SCYL3: variants seen among roughly 807,000 people sequenced by gnomAD.
SCYL3 encodes SCY1 like pseudokinase 3.
Under a neutral mutation model 73.8 loss-of-function variants are expected in SCYL3, and 35 were observed. The observed-to-expected ratio is 0.47, with a 90% CI of 0.36 to 0.63. The LOEUF (loss-of-function observed/expected upper bound fraction) is 0.63. Ranked by LOEUF, SCYL3 falls within the 20% of genes least tolerant of loss-of-function variation. The pLI is 0.00. For missense variants in SCYL3, 712 were observed against 798.9 expected (o/e 0.89, Z 1.31); for synonymous variants, 277 against 295.2 (o/e 0.94, Z 0.63).
rs1439678340 is a variant in SCYL3 at position 169,854,824 on chromosome 1, C to T, written c.1453G>A (p.Glu485Lys). Reference sequence around the variant, plus strand: ...ATCTGTATGTTGACAGTTTGATTTTCAGGCTCCTCAGGTTCACTCCAGTCA... The same window carrying T: ...ATCTGTATGTTGACAGTTTGATTTTTAGGCTCCTCAGGTTCACTCCAGTCA... Reference protein sequence around the residue: ...WPDWSEPEEPENQTVNIQIWP... With the variant: ...WPDWSEPEEPKNQTVNIQIWP... Residue 485 changes from glutamate to lysine, a missense_variant, in exon 12 of 13, where the codon GAA (glutamate) becomes AAA (lysine). Physicochemically the swap from Glu to Lys is moderately conservative, Grantham distance 56. Transcript: ENST00000367771. The T allele has an allele frequency of 2.5e-6, 4 of 1,613,904 alleles. No homozygotes were observed. The highest frequency in any genetic ancestry group is 1.7e-5 in the Admixed American group (1 of 59,980).
At chr1:169,864,614 TGC>T in intron 8 of SCYL3, 106 bp from the exon 9 acceptor site, 7 of 1,155,988 alleles carry the variant, frequency 6.1e-6, no homozygotes, top group Non-Finnish European at 7.2e-6. Flanking sequence ...ATCAAAGTGA[TGC>T]ATTTGAAATG....
At chr1:169,867,009 G>C in intron 7 of SCYL3, 36 bp from the exon 8 acceptor site, 2 of 1,191,680 alleles carry the variant, frequency 1.7e-6, no homozygotes, top group Non-Finnish European at 2.5e-6. Flanking sequence ...CAGCAGAACA[G>C]ATTAGAGAAT....
rs1441290698 is a variant in SCYL3, at chr1:169,888,704, T to C, written c.137A>G (p.Asn46Ser). ...FASVFVYKRE[N>S]EDKVNKAAKH... ...GGCAGCTTTATTAACCTTGTCTTCA[T>C]TTTCTCTCTTATACACAAAAACTGA... The change falls in exon 2 of 13, where the codon AAT becomes AGT. Residue 46 changes from asparagine to serine, a missense_variant. Asn to Ser is a conservative substitution (Grantham distance 46). Coordinates refer to ENST00000367771, the MANE Select transcript of SCYL3 (RefSeq NM_020423.7). The C allele has an allele frequency of 1.2e-6, 2 of 1,614,062 alleles. No homozygotes were observed. The highest frequency in any genetic ancestry group is 2.7e-5 in the African/African-American group (2 of 75,066).
intron 11 of SCYL3, among the ~76,000 whole-genome samples, chr1:169,856,209 T>A (rs536707964): frequency 6.6e-6 from 1 of 152,168 alleles, no homozygotes; most frequent in African/African-American, 2.4e-5. Context: ...TACACAGATA[T>A]AACCTTTGGG....
intron 3 of SCYL3, among the ~76,000 whole-genome samples, 175 bp from the exon 4 acceptor site, chr1:169,876,266 A>C (rs1452238645): frequency 6.6e-6 from 1 of 152,220 alleles, no homozygotes; most frequent in African/African-American, 2.4e-5. Flanking sequence ...TGGAACTATA[A>C]CTTTAAGAAA....
chr1:169,853,495 C>G lies in SCYL3; in HGVS notation c.*218G>C. On this transcript the variant is annotated 3_prime_UTR_variant, in exon 13 of 13. Coordinates refer to ENST00000367771, the MANE Select transcript of SCYL3 (RefSeq NM_020423.7). ...TCAGTCAAATGCACAAAGGCTCTTC[C>G]TCCTGGAAACCAGTACTGTGAGCCT... 2.0e-6 allele frequency: 1 copy of G among 502,912 alleles called. No individual in the cohort carries two copies. The highest frequency in any genetic ancestry group is 3.5e-6 in the Non-Finnish European group (1 of 287,852). 31.2% of individuals were successfully genotyped at this position (502,912 alleles called of 1,614,324 possible).
chr1:169,863,196 C>T (rs1659791811), intron 9 of SCYL3, among the ~76,000 whole-genome samples: 1 of 152,202 alleles, frequency 6.6e-6, no homozygotes, highest in South Asian at 2.1e-4. Context: ...CAGGCGTGAG[C>T]CACCGCGCCC....
At chr1:169,888,002 T>C (rs1169457107) in intron 2 of SCYL3, among the ~76,000 whole-genome samples, 3 of 152,202 alleles carry the variant, frequency 2.0e-5, no homozygotes, top group African/African-American at 7.2e-5. Context: ...GAATAAACAC[T>C]GGAGAATTAA....
chr1:169,866,768 C>G (rs1183325834), intron 8 of SCYL3, 128 bp downstream of exon 8: 3 of 638,132 alleles, frequency 4.7e-6, no homozygotes, highest in African/African-American at 1.9e-5. Context: ...GAAAGCCTGA[C>G]ACATAGGAAA....
intron 5 of SCYL3, among the ~76,000 whole-genome samples, chr1:169,871,129 C>G (rs1223561310): frequency 1.3e-5 from 2 of 152,136 alleles, no homozygotes; most frequent in African/African-American, 2.4e-5. Context: ...CAAGAAAGGA[C>G]TAGGGTTTTT....
chr1:169,886,451 A>G lies in SCYL3; in HGVS notation c.165+2225T>C, dbSNP rs141964279. Among the ~76,000 whole-genome samples the G allele has an allele frequency of 3.8e-3, 579 of 152,292 alleles. 1 individual carries two copies. Among genetic ancestry groups the G allele is most frequent in the Non-Finnish European group, 6.4e-3 (433 of 68,014 alleles). On this transcript the variant is annotated intron_variant, in intron 2 of 12. Transcript: ENST00000367771. ...TTAAATAACATTGACTAACCCTTCCACAACAGCCCAAATTCATTATGGGGA... is the reference window on the plus strand; with the variant it reads ...TTAAATAACATTGACTAACCCTTCCGCAACAGCCCAAATTCATTATGGGGA...
At chr1:169,877,448 G>T (rs1412442091) in intron 3 of SCYL3, among the ~76,000 whole-genome samples, 1 of 152,190 alleles carries the variant, frequency 6.6e-6, no homozygotes, top group East Asian at 1.9e-4. Flanking sequence ...GTGAGCCACT[G>T]CGCCTGGCCA....
In SCYL3 at chr1:169,851,614, C is replaced by CT. The variant is rs1198503972; in HGVS notation, c.*2098dup. The CT allele has an allele frequency of 1.2e-5, 8 of 642,644 alleles. No homozygotes were observed. The highest frequency in any genetic ancestry group is 2.1e-5 in the Non-Finnish European group (8 of 385,570). 39.8% of individuals were successfully genotyped at this position (642,644 alleles called of 1,614,324 possible). A position where few individuals can be genotyped will look rare whatever the true frequency, so the allele number is the denominator to read the frequency against. On this transcript the variant is annotated 3_prime_UTR_variant, in exon 13 of 13. Transcript: ENST00000367771. ...ATCATTTTTTCCTGCAAAGACAACT[C>CT]TATAACTAACTATTTTGTAAGGAAG...
Position 169,850,688 on chromosome 1 carries a change from C to T in SCYL3, c.*3025G>A, listed in dbSNP as rs897938726. The T allele has an allele frequency of 4.4e-4, 81 of 183,792 alleles. No individual in the cohort carries two copies. Among genetic ancestry groups the T allele is most frequent in the Non-Finnish European group, 7.2e-4 (62 of 86,138 alleles). The allele number at this position is 183,792 out of a possible 1,614,324, so 11.4% of individuals were successfully genotyped here. A position where few individuals can be genotyped will look rare whatever the true frequency, so the allele number is the denominator to read the frequency against. On this transcript the variant is annotated 3_prime_UTR_variant, in exon 13 of 13. Transcript: ENST00000367771. The stretch of plus-strand genomic sequence containing the variant: ...GTACGCGCCTGCAGTCCCAGCTACT[C>T]GGGAGGCTGAGGCAGGAGAATTGCT...
intron 1 of SCYL3, among the ~76,000 whole-genome samples, chr1:169,893,512 G>A (rs1295567528): frequency 6.6e-6 from 1 of 152,148 alleles, no homozygotes; most frequent in East Asian, 1.9e-4. Flanking sequence ...CTCCGCGGCC[G>A]CCTTGGAGAG....
intron 2 of SCYL3, among the ~76,000 whole-genome samples, chr1:169,883,340 A>C (rs1661438557): frequency 6.6e-6 from 1 of 152,144 alleles, no homozygotes. Flanking sequence ...CTGTTCCTAG[A>C]GGCCACGAAC....
At chr1:169,874,690 CTA>C (rs1660672404) in intron 4 of SCYL3, among the ~76,000 whole-genome samples, 2 of 152,112 alleles carry the variant, frequency 1.3e-5, no homozygotes, top group African/African-American at 4.8e-5. Flanking sequence ...CTTTGGGAGG[CTA>C]AGGTGGGCAG....
Position 169,864,636 on chromosome 1 carries a change from A to C in SCYL3, c.816-128T>G, listed in dbSNP as rs1020407295. On this transcript the variant is annotated intron_variant, in intron 8 of 12. Transcript: ENST00000367771. ...TGATGCATTTGAAATGGAGATAGAG[A>C]AGGTGAACAGATTGGTCCCCAAGTA... The C allele has an allele frequency of 5.1e-6, 5 of 987,174 alleles. No homozygotes were observed. In the African/African-American group the frequency reaches 8.4e-5, roughly 17 times the overall value. The allele number at this position is 987,174 out of a possible 1,614,324, so 61.2% of individuals were successfully genotyped here. A position where few individuals can be genotyped will look rare whatever the true frequency, so the allele number is the denominator to read the frequency against.
Position 169,850,486 on chromosome 1 carries a change from C to T in SCYL3, c.*3227G>A. 1.7e-6 allele frequency: 1 copy of T among 593,180 alleles called. No homozygotes were observed. The highest frequency in any genetic ancestry group is 3.0e-6 in the Non-Finnish European group (1 of 335,332). 36.7% of individuals were successfully genotyped at this position (593,180 alleles called of 1,614,324 possible). On this transcript the variant is annotated 3_prime_UTR_variant, in exon 13 of 13. Transcript: ENST00000367771. ...CACAGTGCTGACGACTTTTACTAAG[C>T]AATTGAGGCCACAGAAGTAAAACAC...
Sources: gnomAD v4.1 joint callset for allele counts (sites outside exome capture counted in the v4.1 genomes callset) on GRCh38, gnomAD v4.1.1 for gene constraint, MANE v1.5 for transcripts, NCBI Gene and HGNC (gene_info 2026-07-23, HGNC 2026-07-21) for gene names.